Variants in RRP1B observed in about 807,000 individuals in gnomAD.
The protein encoded by RRP1B is ribosomal RNA processing 1B, also known as ribosomal RNA processing protein 1 homolog B.
In RRP1B, 56 loss-of-function variants were observed where a neutral mutation model predicts 80.2. That is an observed-to-expected ratio of 0.70 (90% CI 0.56 to 0.87). The LOEUF (loss-of-function observed/expected upper bound fraction) is 0.87. Among genes scored for constraint, RRP1B ranks in the 40% least tolerant of loss-of-function variants. The pLI, the probability that RRP1B is intolerant of heterozygous loss-of-function variation, is 0.00. For missense variants in RRP1B, 807 were observed against 939.8 expected (o/e 0.86, Z 1.85); for synonymous variants, 351 against 357.6 (o/e 0.98, Z 0.21).
At chr21:43,676,216 G>A in intron 6 of RRP1B, 56 bp from the exon 7 acceptor site, 1 of 1,267,258 alleles carries the variant, frequency 7.9e-7, no homozygotes, top group South Asian at 1.3e-5. Flanking sequence ...CTTTTTCAAG[G>A]ACATGTCAAG....
intron 13 of RRP1B, among the ~76,000 whole-genome samples, chr21:43,689,996 C>T (rs1378659835): frequency 1.3e-5 from 2 of 152,272 alleles, no homozygotes; most frequent in Non-Finnish European, 2.9e-5. Context: ...AACAGATCGG[C>T]TTTGAAAGGC....
At chr21:43,663,033 A>G (rs1163159756) in intron 1 of RRP1B, among the ~76,000 whole-genome samples, 2 of 151,958 alleles carry the variant, frequency 1.3e-5, no homozygotes, top group African/African-American at 4.8e-5. Context: ...GATGGAGGAT[A>G]TAAGTTTTTT....
rs1601755091 is a variant in RRP1B, at chr21:43,674,918, G to A, written c.420-116G>A. 1.2e-5 allele frequency: 16 copies of A among 1,372,556 alleles called. No individual in the cohort carries two copies. In the East Asian group the frequency reaches 3.4e-4, roughly 30 times the overall value. The allele number at this position is 1,372,556 out of a possible 1,614,324, so 85.0% of individuals were successfully genotyped here. On this transcript the variant is annotated intron_variant, in intron 5 of 15. Coordinates refer to ENST00000340648, the MANE Select transcript of RRP1B (RefSeq NM_015056.3). ...CTTTTTTCCTTGTAAAATGATTTCA[G>A]CCTTGCATTGATTGTTAGGCTGTGT... is the stretch of plus-strand genomic sequence containing the variant.
chr21:43,667,266 G>A (rs958628863), intron 1 of RRP1B, among the ~76,000 whole-genome samples: 2 of 152,138 alleles, frequency 1.3e-5, no homozygotes, highest in African/African-American at 4.8e-5. Flanking sequence ...TTGCTCTGTT[G>A]CCCAGGTTGG....
At position 43,690,180 on chromosome 21, in the gene RRP1B, G is replaced by C. The variant is rs951145201; in HGVS notation, c.1867-108G>C. The C allele has an allele frequency of 8.9e-5, 119 of 1,331,406 alleles. 1 individual carries two copies. The East Asian group carries it at 2.8e-3, about 32-fold the overall frequency. The allele number at this position is 1,331,406 out of a possible 1,614,324, so 82.5% of individuals were successfully genotyped here. On this transcript the variant is annotated intron_variant, in intron 13 of 15. Coordinates refer to ENST00000340648, the MANE Select transcript of RRP1B (RefSeq NM_015056.3). ...GGTGCGGAAGACCGCGGGCCGTCGG[G>C]TGGGCTGGATCTGCCTGGGGCTCTG...
In RRP1B at chr21:43,691,486, CA is replaced by C. The variant is rs759081543; in HGVS notation, c.2068del (p.Arg690GlufsTer3). 6.2e-7 allele frequency: 1 copy of C among 1,614,108 alleles called. No homozygotes were observed. Among genetic ancestry groups the C allele is most frequent in the Non-Finnish European group, 8.5e-7 (1 of 1,179,988 alleles). On this transcript the variant is annotated frameshift_variant, in exon 15 of 16. Transcript: ENST00000340648. LOFTEE classifies it high-confidence loss of function. This position sits in a 1 kb window ranked among gnomAD's most constrained non-coding sequence, Gnocchi z 4.2. ...CCAAGAAAGTCACCTTTGGGCTGAA[CA>C]GAAACATGACTGCCGGTAAGTGGGG... Reference protein sequence around the residue: ...SSKKVTFGLNRNMTAEFKKTD... With the variant: ...SSKKVTFGLNXNMTAEFKKTD...
Position 43,672,185 on chromosome 21 carries a change from G to C in RRP1B, c.214-123G>C, listed in dbSNP as rs2083002036. 3 of 748,116 alleles carry C rather than the reference G, an allele frequency of 4.0e-6. No homozygotes were observed. In the Admixed American group the frequency reaches 6.3e-5, roughly 16 times the overall value. The allele number at this position is 748,116 out of a possible 1,614,324, so 46.3% of individuals were successfully genotyped here. ...ATATTCGGATACATACTTCTTAGTG[G>C]AAGTGACAAGAGGGGCAGACCTTCC... is the stretch of plus-strand genomic sequence containing the variant. On this transcript the variant is annotated intron_variant, in intron 2 of 15. Coordinates refer to ENST00000340648, the MANE Select transcript of RRP1B (RefSeq NM_015056.3).
chr21:43,687,369 G>A (rs1451560306), intron 12 of RRP1B, 147 bp from the exon 13 acceptor site: 7 of 852,606 alleles, frequency 8.2e-6, no homozygotes, highest in African/African-American at 3.4e-5. Flanking sequence ...GGTAGTGGGC[G>A]CACCAAGTAC....
intron 7 of RRP1B, 78 bp downstream of exon 7, chr21:43,676,414 AC>A (rs1355514821): frequency 8.8e-7 from 1 of 1,135,274 alleles, no homozygotes. Flanking sequence ...GCAGCCTGGC[AC>A]AGGGTACCCA....
intron 13 of RRP1B, 83 bp downstream of exon 13, chr21:43,688,323 G>A (rs1170327032): frequency 6.9e-7 from 1 of 1,446,020 alleles, no homozygotes; most frequent in African/African-American, 1.4e-5. Context: ...CTGAGAGGAA[G>A]GGTGGGGGCT....
rs2083087553 is a variant in RRP1B, at chr21:43,691,724, C to T, written c.2083+222C>T. 1.3e-5 allele frequency among the ~76,000 whole-genome samples: 2 copies of T among 151,908 alleles called. No homozygotes were observed. The highest frequency in any genetic ancestry group is 6.6e-5 in the Admixed American group (1 of 15,258). On this transcript the variant is annotated intron_variant, in intron 15 of 15. Transcript: ENST00000340648. This position sits in a 1 kb window ranked among gnomAD's most constrained non-coding sequence, Gnocchi z 4.2. ...CGAGATCTTGGCTCACTGCAACCTCCGCCCCCCCAGGTTCAAGCGATTCTC... is the reference window on the plus strand; with the variant it reads ...CGAGATCTTGGCTCACTGCAACCTCTGCCCCCCCAGGTTCAAGCGATTCTC...
chr21:43,694,185 G>T lies in RRP1B; in HGVS notation c.*802G>T, dbSNP rs1017122876. 1 of 151,214 alleles carries T rather than the reference G, an allele frequency of 6.6e-6. No individual in the cohort carries two copies. The highest frequency in any genetic ancestry group is 1.5e-5 in the Non-Finnish European group (1 of 68,036). 9.4% of individuals were successfully genotyped at this position (151,214 alleles called of 1,614,324 possible). ...CACACTCATTCCTCCAAGCCCTTGC[G>T]CTCCCGTTTCTCTCTCTCTCCGTCC... On this transcript the variant is annotated 3_prime_UTR_variant, in exon 16 of 16. Transcript: ENST00000340648.
chr21:43,693,140 GACA>G lies in RRP1B; in HGVS notation c.2084-49_2084-47del. The G allele has an allele frequency of 6.3e-7, 1 of 1,596,986 alleles. No individual in the cohort carries two copies. Among genetic ancestry groups the G allele is most frequent in the South Asian group, 1.1e-5 (1 of 89,960 alleles). Reference sequence around the variant, plus strand: ...AGGACGCTGTCTAAGGTGTTGAAGGGACAGCTGTCGGACCCACTTAATATGGGG... The same window carrying G: ...AGGACGCTGTCTAAGGTGTTGAAGGGGCTGTCGGACCCACTTAATATGGGG... On this transcript the variant is annotated intron_variant, in intron 15 of 15. Transcript: ENST00000340648. The surrounding 1 kb of genome is among the most constrained non-coding windows in gnomAD (Gnocchi z 4.1).
At chr21:43,669,139 A>G (rs1431430615) in intron 1 of RRP1B, among the ~76,000 whole-genome samples, 1 of 151,906 alleles carries the variant, frequency 6.6e-6, no homozygotes, top group African/African-American at 2.4e-5. Context: ...GTAAATGATC[A>G]CCGTTGCAGG....
intron 1 of RRP1B, among the ~76,000 whole-genome samples, chr21:43,667,256 T>C (rs1466540142): frequency 1.3e-5 from 2 of 151,670 alleles, no homozygotes; most frequent in Non-Finnish European, 2.9e-5. Flanking sequence ...AGAGACAGAG[T>C]TGCTCTGTTG....
At chr21:43,671,002 A>G (rs2082997254) in intron 2 of RRP1B, among the ~76,000 whole-genome samples, 1 of 152,240 alleles carries the variant, frequency 6.6e-6, no homozygotes. Flanking sequence ...GTAACAACCA[A>G]CAGCTTTAGT....
intron 1 of RRP1B, among the ~76,000 whole-genome samples, chr21:43,664,327 C>CAAAAA (rs11351123): frequency 4.8e-5 from 5 of 103,340 alleles, no homozygotes; most frequent in Non-Finnish European, 6.0e-5. Context: ...AACTCCGTCT[C>CAAAAA]AAAAAAAAAA....
chr21:43,680,575 A>G (rs555021450), intron 8 of RRP1B, among the ~76,000 whole-genome samples: 25 of 151,980 alleles, frequency 1.6e-4, no homozygotes, highest in South Asian at 6.2e-4. Context: ...AAAAAAAAAA[A>G]AGAGAGACAG....
intron 13 of RRP1B, 146 bp downstream of exon 13, chr21:43,688,386 A>G: frequency 1.0e-6 from 1 of 999,786 alleles, no homozygotes. Flanking sequence ...TGTTCATAAC[A>G]GCCTTCACTA....
Sources: gnomAD v4.1 joint callset for allele counts (sites outside exome capture counted in the v4.1 genomes callset) on GRCh38, gnomAD v4.1.1 for gene constraint, Gnocchi (gnomAD v3.1) non-coding constraint, MANE v1.5 for transcripts, NCBI Gene and HGNC (gene_info 2026-07-23, HGNC 2026-07-21) for gene names.